Variants in QRICH1 observed in about 807,000 individuals in gnomAD.
QRICH1 encodes transcriptional regulator QRICH1.
In QRICH1, 16 loss-of-function variants were observed where a neutral mutation model predicts 87.1. The ratio of observed to expected loss-of-function variants is 0.18; its 90% CI spans 0.12 to 0.28. The LOEUF is 0.28. Among genes scored for constraint, QRICH1 ranks in the 10% least tolerant of loss-of-function variants. The probability of loss-of-function intolerance (pLI) is 1.00; values close to 1 mark genes in which losing one functional copy is unlikely to be tolerated. For synonymous variants in QRICH1, 367 were observed against 368.4 expected, an observed-to-expected ratio of 1.00 and a Z score of 0.05; for missense variants, 647 against 951.7, an observed-to-expected ratio of 0.68 and a Z score of 4.21.
chr3:49,077,071 T>C (rs2041965993), intron 1 of QRICH1, 33 bp from the exon 2 acceptor site: 1 of 1,302,376 alleles, frequency 7.7e-7, no homozygotes, highest in South Asian at 2.2e-5. Context: ...ATTATGTTAC[T>C]GTTTTTAGCA....
At chr3:49,069,780 T>C (rs2093490263) in intron 2 of QRICH1, among the ~76,000 whole-genome samples, 1 of 151,970 alleles carries the variant, frequency 6.6e-6, no homozygotes, top group Admixed American at 6.6e-5. Context: ...GCACCCAGCC[T>C]ATGATTCTTA....
At chr3:49,055,153 A>G (rs749375980) in intron 3 of QRICH1, among the ~76,000 whole-genome samples, 9 of 152,280 alleles carry the variant, frequency 5.9e-5, no homozygotes, top group Non-Finnish European at 5.9e-5. Context: ...GTCCTTAACA[A>G]TGTCACCTAG....
intron 3 of QRICH1, among the ~76,000 whole-genome samples, chr3:49,052,962 T>C (rs2093379656): frequency 6.6e-6 from 1 of 152,122 alleles, no homozygotes; most frequent in African/African-American, 2.4e-5. Context: ...TACTGGCAGA[T>C]AGTATCAGTG....
At chr3:49,054,337 C>T (rs1166707754) in intron 3 of QRICH1, among the ~76,000 whole-genome samples, 2 of 152,212 alleles carry the variant, frequency 1.3e-5, no homozygotes, top group Non-Finnish European at 1.5e-5. Context: ...TACAAATCTA[C>T]TGGCTAGTTT....
chr3:49,093,208 T>C (rs1206254063), intron 1 of QRICH1: 1 of 152,134 alleles, frequency 6.6e-6, no homozygotes, highest in African/African-American at 2.4e-5. Flanking sequence ...CAAGAGGGCT[T>C]GGTTTCCGAA....
intron 3 of QRICH1, among the ~76,000 whole-genome samples, chr3:49,056,162 G>A (rs1273818945): frequency 6.6e-6 from 1 of 151,964 alleles, no homozygotes; most frequent in Admixed American, 6.6e-5. Flanking sequence ...TTTTAGTAGA[G>A]ACGTGGTTTC....
chr3:49,088,906 G>A (rs1287984606), intron 1 of QRICH1, among the ~76,000 whole-genome samples: 2 of 151,966 alleles, frequency 1.3e-5, no homozygotes, highest in Admixed American at 1.3e-4. Context: ...TTACAGGCAT[G>A]AGGCACTGTG....
In QRICH1 at chr3:49,057,555, G is replaced by A. The variant is rs922673421; in HGVS notation, c.645C>T (p.Thr215=). 20 of 1,613,106 alleles carry A rather than the reference G, an allele frequency of 1.2e-5. No individual in the cohort carries two copies. In the Admixed American group the frequency reaches 1.5e-4, roughly 12 times the overall value. ...ATGGTGGTGGGGAAAGGGCACCCAC[G>A]GTCTGGATTTGGATCTGCTGACCAC... is the stretch of plus-strand genomic sequence containing the variant. ...LAGGQQIQIQ[T]VGALSPPPSQ... is the part of the protein sequence containing the mutation. Residue 215 remains threonine (T), a synonymous_variant, in exon 3 of 10, where the codon ACC becomes ACT. Coordinates refer to ENST00000395443, the MANE Select transcript of QRICH1 (RefSeq NM_198880.3). This position sits in a 1 kb window ranked among gnomAD's most constrained non-coding sequence, Gnocchi z 5.4.
intron 5 of QRICH1, among the ~76,000 whole-genome samples, chr3:49,046,169 C>T (rs990155003): frequency 1.3e-5 from 2 of 150,928 alleles, no homozygotes; most frequent in Non-Finnish European, 3.0e-5. Context: ...CCACCTGCCT[C>T]GGCCTCCCAA....
At chr3:49,058,856 G>C (rs182652162) in intron 2 of QRICH1, among the ~76,000 whole-genome samples, 3 of 152,044 alleles carry the variant, frequency 2.0e-5, no homozygotes, top group Non-Finnish European at 2.9e-5. Context: ...TCGAACTCCC[G>C]ACCTCAAGTG....
At chr3:49,059,445 C>CA (rs1294561482) in intron 2 of QRICH1, among the ~76,000 whole-genome samples, 2 of 144,772 alleles carry the variant, frequency 1.4e-5, no homozygotes, top group Non-Finnish European at 3.0e-5. Flanking sequence ...TTTTTTTAGA[C>CA]AGAGTCTCGC....
intron 6 of QRICH1, among the ~76,000 whole-genome samples, chr3:49,035,051 C>T (rs1199385049): frequency 6.6e-6 from 1 of 152,146 alleles, no homozygotes; most frequent in East Asian, 1.9e-4. Context: ...TTTTTGTCTA[C>T]TTTTCGGCTA....
intron 2 of QRICH1, among the ~76,000 whole-genome samples, chr3:49,074,010 T>C (rs1368053161): frequency 1.3e-5 from 2 of 152,018 alleles, no homozygotes; most frequent in Non-Finnish European, 2.9e-5. Context: ...CTCAAACTTC[T>C]GGACTCAATG....
chr3:49,050,955 C>T (rs1488720205), intron 3 of QRICH1, among the ~76,000 whole-genome samples: 1 of 152,144 alleles, frequency 6.6e-6, no homozygotes, highest in African/African-American at 2.4e-5. Flanking sequence ...AGGGAGCAAC[C>T]CATCTTTCCC....
rs753286966 is a variant in QRICH1 at position 49,046,500 on chromosome 3, T to C, written c.1596A>G (p.Thr532=). The change falls in exon 5 of 10, where the codon ACA becomes ACG. Residue 532 remains threonine, a synonymous_variant. Coordinates refer to ENST00000395443, the MANE Select transcript of QRICH1 (RefSeq NM_198880.3). ...AELNYGLCLM[T]REARNGEGEP... ...CACCTTCTCCATTTCGAGCTTCCCG[T>C]GTCATTAGACAGAGCCCATAATTCA... The C allele has an allele frequency of 6.2e-7, 1 of 1,614,122 alleles. No individual in the cohort carries two copies. Among genetic ancestry groups the C allele is most frequent in the South Asian group, 1.1e-5 (1 of 91,084 alleles).
At chr3:49,059,415 C>A (rs9841640) in intron 2 of QRICH1, among the ~76,000 whole-genome samples, 98,867 of 150,950 alleles carry the variant, frequency 0.65, 33,078 homozygotes, top group East Asian at 0.96. Context: ...CACCACCACA[C>A]CCAGCTAATT....
At chr3:49,063,775 C>T (rs1284059222) in intron 2 of QRICH1, among the ~76,000 whole-genome samples, 1 of 152,118 alleles carries the variant, frequency 6.6e-6, no homozygotes, top group East Asian at 1.9e-4. Flanking sequence ...GCTTGGACAA[C>T]AAAGTGAAAC....
chr3:49,032,151 C>A (rs1415496899), intron 9 of QRICH1, 32 bp downstream of exon 9: 2 of 1,530,286 alleles, frequency 1.3e-6, no homozygotes, highest in African/African-American at 1.4e-5. Context: ...CACATGCGCA[C>A]ACATGGACAG....
chr3:49,034,166 G>A (rs1032169694), intron 6 of QRICH1, among the ~76,000 whole-genome samples: 1 of 151,518 alleles, frequency 6.6e-6, no homozygotes, highest in Non-Finnish European at 1.5e-5. Context: ...AGGAAGACCA[G>A]GCATGGTGGC....
Sources: gnomAD v4.1 joint callset for allele counts (sites outside exome capture counted in the v4.1 genomes callset) on GRCh38, gnomAD v4.1.1 for gene constraint, Gnocchi (gnomAD v3.1) non-coding constraint, MANE v1.5 for transcripts, NCBI Gene and HGNC (gene_info 2026-07-23, HGNC 2026-07-21) for gene names.